ANO2: variants seen among roughly 807,000 people sequenced by gnomAD.
ANO2 encodes anoctamin 2, also known as anoctamin-2.
A neutral mutation model predicts 124.2 loss-of-function variants in ANO2; 101 were observed. The ratio of observed to expected loss-of-function variants is 0.81; its 90% CI spans 0.69 to 0.96. The LOEUF (loss-of-function observed/expected upper bound fraction) is 0.96, where lower values mean the gene tolerates loss of function less well. ANO2 is among the 40% of genes least tolerant of loss of function. The probability of loss-of-function intolerance (pLI) is 0.00; values close to 1 mark genes in which losing one functional copy is unlikely to be tolerated. For missense variants in ANO2, 1,293 were observed against 1,274.5 expected, an observed-to-expected ratio of 1.01 and a Z score of -0.22; for synonymous variants, 486 against 482.5, an observed-to-expected ratio of 1.01 and a Z score of -0.09.
At chr12:5,672,332 T>C (rs1948049725) in intron 14 of ANO2, among the ~76,000 whole-genome samples, 1 of 152,218 alleles carries the variant, frequency 6.6e-6, no homozygotes, top group Non-Finnish European at 1.5e-5. Context: ...CAAGGCATGC[T>C]GAGTTGTCGG....
chr12:5,572,156 C>T (rs377745512), intron 23 of ANO2, among the ~76,000 whole-genome samples: 18 of 152,270 alleles, frequency 1.2e-4, no homozygotes, highest in East Asian at 1.2e-3. Flanking sequence ...AGAGACTCCA[C>T]GCACCTCAAC....
intron 14 of ANO2, among the ~76,000 whole-genome samples, chr12:5,719,326 G>A (rs141997033): frequency 3.4e-3 from 517 of 152,212 alleles, no homozygotes; most frequent in African/African-American, 0.011. Context: ...CACACTCACA[G>A]TTGGAGCTGC....
intron 15 of ANO2, among the ~76,000 whole-genome samples, chr12:5,645,150 T>C (rs893677751): frequency 1.3e-5 from 2 of 151,912 alleles, no homozygotes; most frequent in African/African-American, 2.4e-5. Flanking sequence ...TCATTACCTG[T>C]TCTCTTTCAA....
chr12:5,660,433 C>T lies in ANO2; in HGVS notation c.1546-12632G>A, dbSNP rs979089615. ...TGGCTTCCTTCCTGTTCTTAGAACA[C>T]GCCAAGCCGGCTTCCATAGCAAAAC... On this transcript the variant is annotated intron_variant, in intron 14 of 24. Coordinates refer to ENST00000682330, the MANE Select transcript of ANO2 (RefSeq NM_001364791.2). Among the ~76,000 whole-genome samples, 7 of 148,608 alleles carry T rather than the reference C, an allele frequency of 4.7e-5. 1 individual carries two copies. The highest frequency in any genetic ancestry group is 1.8e-4 in the African/African-American group (7 of 39,782).
rs771536431 is a variant in ANO2 at position 5,563,294 on chromosome 12, A to G, written c.*5T>C. The stretch of plus-strand genomic sequence containing the variant: ...CGTGCCCTCCTCTGCTGCAGGCTGA[A>G]CTGCTCACACATTGGTGTGCTGAGA... On this transcript the variant is annotated 3_prime_UTR_variant, in exon 25 of 25. Transcript: ENST00000682330. 6.3e-7 allele frequency: 1 copy of G among 1,594,764 alleles called. No individual in the cohort carries two copies. Among genetic ancestry groups the G allele is most frequent in the South Asian group, 1.1e-5 (1 of 88,716 alleles).
At chr12:5,897,905 C>T (rs12297684) in intron 3 of ANO2, among the ~76,000 whole-genome samples, 14 of 151,632 alleles carry the variant, frequency 9.2e-5, no homozygotes, top group Non-Finnish European at 1.3e-4. Context: ...AATAAAATGA[C>T]GTAAAATAAA....
intron 14 of ANO2, among the ~76,000 whole-genome samples, chr12:5,671,196 T>G (rs1188696466): frequency 2.0e-5 from 3 of 152,170 alleles, no homozygotes; most frequent in South Asian, 4.2e-4. Context: ...ACACTCATTA[T>G]GAAAAATTCA....
chr12:5,630,181 T>C (rs777894621), intron 16 of ANO2, among the ~76,000 whole-genome samples: 1 of 152,192 alleles, frequency 6.6e-6, no homozygotes, highest in Non-Finnish European at 1.5e-5. Context: ...TTGCACCTGG[T>C]GAGCAAAGCG....
intron 14 of ANO2, among the ~76,000 whole-genome samples, chr12:5,697,824 G>A (rs138622583): frequency 0.12 from 18,044 of 152,278 alleles, 1,184 homozygotes; most frequent in African/African-American, 0.17. Flanking sequence ...CACCTGGCTC[G>A]GAGGGTCCCA....
intron 10 of ANO2, among the ~76,000 whole-genome samples, chr12:5,784,561 G>A (rs181474302): frequency 6.6e-6 from 1 of 152,342 alleles, no homozygotes; most frequent in Admixed American, 6.5e-5. Context: ...CCCCATCAGA[G>A]CATCCTGAGC....
intron 4 of ANO2, among the ~76,000 whole-genome samples, chr12:5,845,754 C>T (rs1954666705): frequency 6.6e-6 from 1 of 152,102 alleles, no homozygotes. Flanking sequence ...CCCTGACTAT[C>T]TCCTTCAAGG....
At chr12:5,758,113 A>C (rs556293613) in intron 10 of ANO2, among the ~76,000 whole-genome samples, 16 of 152,328 alleles carry the variant, frequency 1.1e-4, no homozygotes, top group African/African-American at 2.9e-4. Flanking sequence ...ACCTGACCCA[A>C]GGACCTAGGC....
Position 5,787,839 on chromosome 12 carries a change from A to C in ANO2, c.1055+11668T>G, listed in dbSNP as rs1185165188. Among the ~76,000 whole-genome samples, 1 of 152,072 alleles carries C rather than the reference A, an allele frequency of 6.6e-6. No homozygotes were observed. The highest frequency in any genetic ancestry group is 1.5e-5 in the Non-Finnish European group (1 of 68,026). On this transcript the variant is annotated intron_variant, in intron 10 of 24. Coordinates refer to ENST00000682330, the MANE Select transcript of ANO2 (RefSeq NM_001364791.2). The surrounding 1 kb of genome is among the most constrained non-coding windows in gnomAD (Gnocchi z 4.2). Reference sequence around the variant, plus strand: ...ATCTCTGTCACACTTCCGGTTAACTATGCACTGTCTCCCCTGCTAGGTCAT... The same window carrying C: ...ATCTCTGTCACACTTCCGGTTAACTCTGCACTGTCTCCCCTGCTAGGTCAT...
At chr12:5,649,420 G>C (rs1340890782) in intron 14 of ANO2, among the ~76,000 whole-genome samples, 4 of 152,136 alleles carry the variant, frequency 2.6e-5, no homozygotes, top group Non-Finnish European at 4.4e-5. Flanking sequence ...ATGAGAACAA[G>C]GTAACTACAT....
At chr12:5,739,838 C>A (rs79278925) in intron 12 of ANO2, 50,046 of 455,546 alleles carry the variant, frequency 0.11, 3,005 homozygotes, top group African/African-American at 0.14. Context: ...CTGTCCCCAG[C>A]GCCACTTGCC....
chr12:5,572,698 T>C (rs1264961126), intron 23 of ANO2, among the ~76,000 whole-genome samples: 1 of 152,208 alleles, frequency 6.6e-6, no homozygotes, highest in African/African-American at 2.4e-5. Context: ...TCACTGGTAC[T>C]GAGAGAGGAA....
chr12:5,688,674 C>T (rs1268941588), intron 14 of ANO2, among the ~76,000 whole-genome samples: 1 of 152,174 alleles, frequency 6.6e-6, no homozygotes, highest in Non-Finnish European at 1.5e-5. Context: ...CCAAATTTGC[C>T]TATTACTCTG....
chr12:5,563,779 G>A (rs1234782272), intron 24 of ANO2, among the ~76,000 whole-genome samples: 1 of 152,156 alleles, frequency 6.6e-6, no homozygotes, highest in African/African-American at 2.4e-5. Context: ...AGGATGAAAC[G>A]GGTTCATACA....
At chr12:5,917,341 A>G (rs1181382420) in intron 3 of ANO2, among the ~76,000 whole-genome samples, 1 of 128,502 alleles carries the variant, frequency 7.8e-6, no homozygotes. Flanking sequence ...TATGTCCCCA[A>G]TATTTCATTG....
Sources: allele counts gnomAD v4.1 joint callset (sites outside exome capture counted in the v4.1 genomes callset), GRCh38; gene constraint gnomAD v4.1.1; non-coding constraint Gnocchi (gnomAD v3.1); transcripts MANE v1.5; gene names NCBI Gene and HGNC (gene_info 2026-07-23, HGNC 2026-07-21).